Variants in LRRIQ3 observed in about 807,000 individuals in gnomAD.
The protein encoded by LRRIQ3 is leucine-rich repeat and IQ domain-containing protein 3.
In LRRIQ3, 75 loss-of-function variants were observed where a neutral mutation model predicts 59.3. That is an observed-to-expected ratio of 1.26 (90% confidence interval 1.05 to 1.53). The LOEUF (loss-of-function observed/expected upper bound fraction) is 1.53. LRRIQ3 is among the 40% of genes most tolerant of loss of function. The pLI is 0.00. For synonymous variants in LRRIQ3, 250 were observed against 231.3 expected, an observed-to-expected ratio of 1.08 and a Z score of -0.73; for missense variants, 831 against 710.0, an observed-to-expected ratio of 1.17 and a Z score of -1.94.
At chr1:74,120,588 T>C (rs1370734451) in intron 4 of LRRIQ3, among the ~76,000 whole-genome samples, 1 of 152,032 alleles carries the variant, frequency 6.6e-6, no homozygotes, top group Non-Finnish European at 1.5e-5. Flanking sequence ...CTCTTTGATT[T>C]ACCATTCATA....
chr1:74,137,416 T>C (rs1041153416), intron 4 of LRRIQ3, among the ~76,000 whole-genome samples: 1 of 152,042 alleles, frequency 6.6e-6, no homozygotes, highest in Non-Finnish European at 1.5e-5. Context: ...CCAGTTAGAA[T>C]GGCAATCTTT....
chr1:74,112,429 A>G (rs1646709667), intron 4 of LRRIQ3, among the ~76,000 whole-genome samples: 1 of 152,166 alleles, frequency 6.6e-6, no homozygotes, highest in Non-Finnish European at 1.5e-5. Flanking sequence ...CCAGAGAAAA[A>G]CAGGAAAAGA....
Position 74,109,235 on chromosome 1 carries a change from T to G in LRRIQ3, c.867+159A>C, listed in dbSNP as rs187237522. On this transcript the variant is annotated intron_variant, in intron 5 of 7. Coordinates refer to ENST00000354431, the MANE Select transcript of LRRIQ3 (RefSeq NM_001105659.2). Reference sequence around the variant, plus strand: ...CCACAAAAATATATTTGTATTACATTACTATATAACTTTTTTCAATCAAAA... The same window carrying G: ...CCACAAAAATATATTTGTATTACATGACTATATAACTTTTTTCAATCAAAA... 3.1e-5 allele frequency: 19 copies of G among 611,786 alleles called. No homozygotes were observed. The Admixed American group carries it at 3.6e-4, about 12-fold the overall frequency. 37.9% of individuals were successfully genotyped at this position (611,786 alleles called of 1,614,324 possible). A position where few individuals can be genotyped will look rare whatever the true frequency, so the allele number is the denominator to read the frequency against.
chr1:74,101,607 C>T (rs2100543699), intron 5 of LRRIQ3, among the ~76,000 whole-genome samples: 1 of 152,244 alleles, frequency 6.6e-6, no homozygotes, highest in Non-Finnish European at 1.5e-5. Context: ...GACACATGCA[C>T]ATGTATGTTT....
intron 6 of LRRIQ3, among the ~76,000 whole-genome samples, chr1:74,066,288 A>G (rs1014250630): frequency 6.6e-6 from 1 of 152,100 alleles, no homozygotes; most frequent in Non-Finnish European, 1.5e-5. Context: ...ATCTCTAAAA[A>G]TCAAGATAGC....
chr1:74,171,471 C>G (rs1649318430), intron 3 of LRRIQ3, among the ~76,000 whole-genome samples: 1 of 152,074 alleles, frequency 6.6e-6, no homozygotes, highest in Admixed American at 6.5e-5. Context: ...TAGGTTGAAC[C>G]ATCCATGGCT....
intron 3 of LRRIQ3, among the ~76,000 whole-genome samples, chr1:74,166,734 T>TTTGTA (rs1649015079): frequency 1.3e-5 from 2 of 151,900 alleles, no homozygotes; most frequent in African/African-American, 4.8e-5. Flanking sequence ...GTATTTGTAT[T>TTTGTA]TTTATTCAGT....
At chr1:74,143,255 G>T (rs1647347001) in intron 4 of LRRIQ3, among the ~76,000 whole-genome samples, 1 of 151,850 alleles carries the variant, frequency 6.6e-6, no homozygotes, top group Admixed American at 6.6e-5. Flanking sequence ...TATGAAAATT[G>T]TTTACCCAGT....
intron 4 of LRRIQ3, among the ~76,000 whole-genome samples, chr1:74,123,979 G>A (rs944818929): frequency 2.0e-5 from 3 of 151,836 alleles, no homozygotes; most frequent in Non-Finnish European, 4.4e-5. Flanking sequence ...ACATAGTACT[G>A]TCATAAAAAC....
intron 7 of LRRIQ3, among the ~76,000 whole-genome samples, chr1:74,029,368 T>C (rs1221465988): frequency 7.2e-5 from 11 of 152,106 alleles, no homozygotes; most frequent in Admixed American, 7.2e-4. Context: ...AAATAGCTCT[T>C]CTTATTTTGA....
intron 4 of LRRIQ3, among the ~76,000 whole-genome samples, chr1:74,143,759 C>T (rs1448173030): frequency 6.6e-6 from 1 of 150,840 alleles, no homozygotes; most frequent in Non-Finnish European, 1.5e-5. Context: ...TCTCATAATT[C>T]CAAAATGAAG....
intron 7 of LRRIQ3, among the ~76,000 whole-genome samples, chr1:74,033,937 A>G (rs547052898): frequency 2.6e-4 from 39 of 152,136 alleles, no homozygotes; most frequent in South Asian, 1.2e-3. Flanking sequence ...ACAGACATGA[A>G]TATCTTAGAA....
At chr1:74,098,705 T>C (rs1274853536) in intron 5 of LRRIQ3, among the ~76,000 whole-genome samples, 1 of 152,144 alleles carries the variant, frequency 6.6e-6, no homozygotes, top group Non-Finnish European at 1.5e-5. Flanking sequence ...ACAAACTGTC[T>C]CTCAGACCAC....
chr1:74,174,548 ATTTT>A (rs34076332), intron 3 of LRRIQ3, among the ~76,000 whole-genome samples: 5 of 134,630 alleles, frequency 3.7e-5, no homozygotes, highest in Admixed American at 1.5e-4. Flanking sequence ...ATGCCTGGCT[ATTTT>A]TTTTTTTTTT....
intron 4 of LRRIQ3, among the ~76,000 whole-genome samples, chr1:74,126,153 G>A (rs188901429): frequency 2.1e-4 from 32 of 151,720 alleles, no homozygotes; most frequent in East Asian, 1.4e-3. Context: ...GTTTCTCATC[G>A]TATCAACTAA....
At chr1:74,138,788 T>C (rs1318856130) in intron 4 of LRRIQ3, among the ~76,000 whole-genome samples, 1 of 151,958 alleles carries the variant, frequency 6.6e-6, no homozygotes, top group East Asian at 1.9e-4. Context: ...GGCTCCAGGA[T>C]GTAACTGGGT....
In LRRIQ3 at chr1:74,167,563, A is replaced by AT. The variant is rs201073783; in HGVS notation, c.574-11698dup. ...AATACGACACTCTAAACTTCCACAT[A>AT]TTTTTTTTTAAAGAATGATACAATG... On this transcript the variant is annotated intron_variant, in intron 3 of 7. Coordinates refer to ENST00000354431, the MANE Select transcript of LRRIQ3 (RefSeq NM_001105659.2). Among the ~76,000 whole-genome samples, 611 of 150,980 alleles carry AT rather than the reference A, an allele frequency of 4.0e-3. 5 individuals are homozygous for AT. Among genetic ancestry groups the AT allele is most frequent in the African/African-American group, 0.014 (576 of 41,270 alleles).
chr1:74,099,681 A>G (rs1188996016), intron 5 of LRRIQ3, among the ~76,000 whole-genome samples: 1 of 152,228 alleles, frequency 6.6e-6, no homozygotes, highest in East Asian at 1.9e-4. Context: ...AACCGAATCC[A>G]GCAACACATC....
chr1:74,041,631 C>T lies in LRRIQ3; in HGVS notation c.1300G>A (p.Glu434Lys), dbSNP rs17094777. The T allele has an allele frequency of 0.044, 70,852 of 1,613,594 alleles. 2,018 individuals are homozygous for T. The highest frequency in any genetic ancestry group is 0.12 in the South Asian group (11,064 of 91,020). Reference protein sequence around the residue: ...DKYYTEQKKQEYHKEKVRVVA... With the variant: ...DKYYTEQKKQKYHKEKVRVVA... Reference sequence around the variant, plus strand: ...ACTCTTACTTTTTCTTTATGGTATTCCTGCTTCTTTTGTTCTGTGTAATAT... The same window carrying T: ...ACTCTTACTTTTTCTTTATGGTATTTCTGCTTCTTTTGTTCTGTGTAATAT... Residue 434 changes from glutamate to lysine, a missense_variant, in exon 7 of 8, where the codon GAA becomes AAA. Transcript: ENST00000354431.
Sources: gnomAD v4.1 joint callset for allele counts (sites outside exome capture counted in the v4.1 genomes callset) on GRCh38, gnomAD v4.1.1 for gene constraint, MANE v1.5 for transcripts, NCBI Gene and HGNC (gene_info 2026-07-23, HGNC 2026-07-21) for gene names.